Variants in TOX observed in about 807,000 individuals in gnomAD.
The protein encoded by TOX is thymocyte selection-associated high mobility group box protein TOX.
In TOX, 11 loss-of-function variants were observed where a neutral mutation model predicts 53.7. That is an observed-to-expected ratio of 0.20 (90% CI 0.13 to 0.34). The LOEUF (loss-of-function observed/expected upper bound fraction) is 0.34. TOX is among the 10% of genes least tolerant of loss of function. The pLI is 1.00. For missense variants in TOX, 570 were observed against 664.6 expected (o/e 0.86, Z 1.56); for synonymous variants, 225 against 245.3 (o/e 0.92, Z 0.77).
At chr8:59,028,172 G>T (rs1814279129) in intron 1 of TOX, among the ~76,000 whole-genome samples, 1 of 151,960 alleles carries the variant, frequency 6.6e-6, no homozygotes, top group African/African-American at 2.4e-5. Flanking sequence ...TTTTAATTCT[G>T]TTATTAAAAT....
At chr8:59,096,822 A>G (rs78002377) in intron 1 of TOX, among the ~76,000 whole-genome samples, 5,362 of 152,102 alleles carry the variant, frequency 0.035, 288 homozygotes, top group African/African-American at 0.12. Context: ...CTGTGAAAAA[A>G]ATCTCCTGTT....
At chr8:59,088,463 T>A (rs1804551608) in intron 1 of TOX, among the ~76,000 whole-genome samples, 1 of 152,134 alleles carries the variant, frequency 6.6e-6, no homozygotes, top group Non-Finnish European at 1.5e-5. Flanking sequence ...GGCCAAAAAT[T>A]TTTCTAGATC....
At chr8:59,108,868 G>A (rs1356252725) in intron 1 of TOX, among the ~76,000 whole-genome samples, 1 of 152,126 alleles carries the variant, frequency 6.6e-6, no homozygotes, top group African/African-American at 2.4e-5. Flanking sequence ...ATAAATTGTT[G>A]TCTACCTAAT....
chr8:58,873,148 C>T (rs576607530), intron 3 of TOX, among the ~76,000 whole-genome samples: 39 of 152,172 alleles, frequency 2.6e-4, no homozygotes, highest in African/African-American at 5.1e-4. Flanking sequence ...GCAATTATAA[C>T]GTTTATTCAA....
intron 1 of TOX, among the ~76,000 whole-genome samples, chr8:59,021,481 A>AAAAAATATATAT (rs59174995): frequency 4.9e-4 from 32 of 64,716 alleles, no homozygotes; most frequent in African/African-American, 1.2e-3. Flanking sequence ...AAAAAAAAAA[A>AAAAAATATATAT]ATATATATAT....
rs933727586 is a variant in TOX, at chr8:58,805,905, C to A, written c.*1842G>T. The A allele has an allele frequency of 6.6e-6, 1 of 152,568 alleles. No individual in the cohort carries two copies. Among genetic ancestry groups the A allele is most frequent in the Non-Finnish European group, 1.5e-5 (1 of 68,028 alleles). 9.5% of individuals were successfully genotyped at this position (152,568 alleles called of 1,614,324 possible). ...TAAAATCATTCCAAAGCAAGCATAC[C>A]TTTTGTCTGTTTAATTCTGAGTGGA... On this transcript the variant is annotated 3_prime_UTR_variant, in exon 9 of 9. Coordinates refer to ENST00000361421, the MANE Select transcript of TOX (RefSeq NM_014729.3).
intron 1 of TOX, among the ~76,000 whole-genome samples, chr8:59,092,067 T>C (rs1053175456): frequency 4.0e-5 from 6 of 151,498 alleles, no homozygotes; most frequent in African/African-American, 1.5e-4. Flanking sequence ...CTGACCAACA[T>C]GGTGAAGTCC....
intron 1 of TOX, among the ~76,000 whole-genome samples, chr8:59,006,943 C>A (rs1186347718): frequency 6.6e-6 from 1 of 152,198 alleles, no homozygotes; most frequent in Non-Finnish European, 1.5e-5. Flanking sequence ...AGATTTCCTT[C>A]TTTTCTTAAC....
At chr8:59,092,435 T>C (rs886119329) in intron 1 of TOX, among the ~76,000 whole-genome samples, 2 of 148,398 alleles carry the variant, frequency 1.3e-5, no homozygotes, top group South Asian at 2.1e-4. Flanking sequence ...AGATTCCTAA[T>C]TGGTATTCCT....
chr8:58,909,975 C>G (rs905814368), intron 3 of TOX, among the ~76,000 whole-genome samples: 6 of 152,162 alleles, frequency 3.9e-5, no homozygotes, highest in Admixed American at 2.6e-4. Flanking sequence ...TCTTTTGAAT[C>G]TTGAGTTTCC....
chr8:58,965,006 G>A (rs968477552), intron 1 of TOX, among the ~76,000 whole-genome samples: 6 of 152,116 alleles, frequency 3.9e-5, no homozygotes, highest in South Asian at 2.1e-4. Flanking sequence ...CAATAAAATC[G>A]TATTTATTAA....
At chr8:58,834,264 G>A (rs1326083016) in intron 5 of TOX, among the ~76,000 whole-genome samples, 1 of 152,136 alleles carries the variant, frequency 6.6e-6, no homozygotes, top group African/African-American at 2.4e-5. Context: ...GGGCTATGAT[G>A]ACAACAGGAT....
At chr8:58,952,038 A>G (rs552202412) in intron 2 of TOX, among the ~76,000 whole-genome samples, 3 of 152,216 alleles carry the variant, frequency 2.0e-5, no homozygotes, top group Non-Finnish European at 4.4e-5. Context: ...TGGGAAGTCT[A>G]GCTAGGTCTG....
intron 1 of TOX, among the ~76,000 whole-genome samples, chr8:59,011,032 G>A (rs1177788546): frequency 6.6e-6 from 1 of 152,054 alleles, no homozygotes; most frequent in African/African-American, 2.4e-5. Context: ...AAGTTTGCCT[G>A]GATAAAGAAA....
At chr8:59,063,173 G>A (rs1804018407) in intron 1 of TOX, among the ~76,000 whole-genome samples, 1 of 152,108 alleles carries the variant, frequency 6.6e-6, no homozygotes, top group South Asian at 2.1e-4. Flanking sequence ...ACTAAGCACT[G>A]AGGATTTGTA....
chr8:59,048,100 A>ATTC (rs1048586676), intron 1 of TOX, among the ~76,000 whole-genome samples: 3 of 152,342 alleles, frequency 2.0e-5, no homozygotes, highest in Admixed American at 6.5e-5. Context: ...AAAAAGTAAT[A>ATTC]TTCTGTCTTG....
At chr8:59,035,594 T>C (rs1814444165) in intron 1 of TOX, among the ~76,000 whole-genome samples, 1 of 152,244 alleles carries the variant, frequency 6.6e-6, no homozygotes, top group Non-Finnish European at 1.5e-5. Flanking sequence ...ATTGCTAACA[T>C]CTAATCTCTC....
chr8:59,069,342 A>G (rs888030071), intron 1 of TOX, among the ~76,000 whole-genome samples: 1 of 152,166 alleles, frequency 6.6e-6, no homozygotes, highest in Non-Finnish European at 1.5e-5. Flanking sequence ...AATCCTCCAC[A>G]TTAGAGATTA....
intron 3 of TOX, among the ~76,000 whole-genome samples, chr8:58,899,812 A>G (rs113799583): frequency 0.016 from 2,376 of 152,312 alleles, 72 homozygotes; most frequent in African/African-American, 0.053. Context: ...TAAAGGAATA[A>G]TATGAGAAAA....
Sources: gnomAD v4.1 joint callset for allele counts (sites outside exome capture counted in the v4.1 genomes callset) on GRCh38, gnomAD v4.1.1 for gene constraint, MANE v1.5 for transcripts, NCBI Gene and HGNC (gene_info 2026-07-23, HGNC 2026-07-21) for gene names.